The following CNTNAP4 variants were observed in gnomAD, a reference collection of about 807,000 sequenced individuals.
CNTNAP4 encodes the protein contactin associated protein family member 4.
CNTNAP4 carries 98 observed loss-of-function variants against 148.4 expected under a neutral mutation model. The observed-to-expected ratio is 0.66, with a 90% CI of 0.56 to 0.78. CNTNAP4 has a LOEUF of 0.78. Among genes scored for constraint, CNTNAP4 ranks in the 30% least tolerant of loss-of-function variants. The probability of loss-of-function intolerance (pLI) is 0.00; values close to 1 mark genes in which losing one functional copy is unlikely to be tolerated. For missense variants in CNTNAP4, 1,935 were observed against 1,565.6 expected (o/e 1.24, Z -3.98); for synonymous variants, 730 against 565.1 (o/e 1.29, Z -4.14).
At chr16:76,361,075 A>G (rs150161141) in intron 3 of CNTNAP4, among the ~76,000 whole-genome samples, 4,661 of 151,690 alleles carry the variant, frequency 0.031, 233 homozygotes, top group African/African-American at 0.11. Context: ...CGCCTGCCTC[A>G]ACCTCCCAAA....
intron 3 of CNTNAP4, among the ~76,000 whole-genome samples, chr16:76,395,643 T>A (rs540005071): frequency 6.6e-6 from 1 of 152,252 alleles, no homozygotes; most frequent in Non-Finnish European, 1.5e-5. Context: ...TAAAAATCAA[T>A]GTATATAAAC....
intron 16 of CNTNAP4, among the ~76,000 whole-genome samples, chr16:76,521,606 C>G (rs1272303484): frequency 6.6e-6 from 1 of 152,118 alleles, no homozygotes; most frequent in Non-Finnish European, 1.5e-5. Flanking sequence ...ACTTAATCAA[C>G]CACTCATTTT....
At chr16:76,476,192 A>G (rs1000172224) in intron 11 of CNTNAP4, 147 bp downstream of exon 11, 7 of 568,976 alleles carry the variant, frequency 1.2e-5, no homozygotes. Flanking sequence ...AGTCGTCAAG[A>G]TAGCCTATAA....
intron 15 of CNTNAP4, among the ~76,000 whole-genome samples, chr16:76,514,457 A>G (rs920999743): frequency 3.3e-5 from 5 of 152,256 alleles, no homozygotes; most frequent in Non-Finnish European, 5.9e-5. Context: ...AATGAAAAGA[A>G]ATATCTTCTT....
chr16:76,527,331 G>C (rs930440857), intron 17 of CNTNAP4, among the ~76,000 whole-genome samples: 1 of 152,086 alleles, frequency 6.6e-6, no homozygotes, highest in Non-Finnish European at 1.5e-5. Flanking sequence ...TATTCTCAGA[G>C]CTGGTGACTC....
At chr16:76,391,664 G>C (rs1261252371) in intron 3 of CNTNAP4, among the ~76,000 whole-genome samples, 1 of 152,158 alleles carries the variant, frequency 6.6e-6, no homozygotes, top group African/African-American at 2.4e-5. Flanking sequence ...TGAGTGTGGG[G>C]TCCAGGAACA....
chr16:76,337,744 A>C lies in CNTNAP4; in HGVS notation c.197-17574A>C, dbSNP rs571913486. Among the ~76,000 whole-genome samples, 24 of 152,288 alleles carry C rather than the reference A, an allele frequency of 1.6e-4. No homozygotes were observed. The South Asian group carries it at 4.8e-3, about 30-fold the overall frequency. Reference sequence around the variant, plus strand: ...TTCATCCCTTATCTTCAACTGCATAAGACAGACACTCCCAGAGCAGCCGTC... The same window carrying C: ...TTCATCCCTTATCTTCAACTGCATACGACAGACACTCCCAGAGCAGCCGTC... On this transcript the variant is annotated intron_variant, in intron 2 of 23. Coordinates refer to ENST00000611870, the MANE Select transcript of CNTNAP4 (RefSeq NM_033401.5).
rs372530638 is a variant in CNTNAP4 at position 76,363,529 on chromosome 16, CTG to C, written c.390+8020_390+8021del. On this transcript the variant is annotated intron_variant, in intron 3 of 23. Coordinates refer to ENST00000611870, the MANE Select transcript of CNTNAP4 (RefSeq NM_033401.5). ...AAAGACTTAAATGGAAAACCTGAAA[CTG>C]TAAAACTGCTAGAAAAAAACGTACA... 8.1e-4 allele frequency among the ~76,000 whole-genome samples: 123 copies of C among 152,224 alleles called. 1 individual carries two copies. In the East Asian group the frequency reaches 0.019, roughly 24 times the overall value.
chr16:76,516,184 C>CAT (rs944652471), intron 15 of CNTNAP4, among the ~76,000 whole-genome samples: 3 of 138,828 alleles, frequency 2.2e-5, no homozygotes, highest in African/African-American at 8.0e-5. Flanking sequence ...CAAGTGATAA[C>CAT]ATGTGGTGTT....
At chr16:76,473,833 T>A (rs1389547258) in intron 10 of CNTNAP4, among the ~76,000 whole-genome samples, 1 of 45,706 alleles carries the variant, frequency 2.2e-5, no homozygotes. Context: ...CTTGGCAGGT[T>A]TTGTAGGTTT....
rs925982854 is a variant in CNTNAP4, at chr16:76,550,274, T to G, written c.3443-3009T>G. On this transcript the variant is annotated intron_variant, in intron 21 of 23. Transcript: ENST00000611870. Reference sequence around the variant, plus strand: ...ATTTAGTTTTTGTTTCTATGTTTATTGTCTCTCTCCCTTTCCCTGCTAACA... The same window carrying G: ...ATTTAGTTTTTGTTTCTATGTTTATGGTCTCTCTCCCTTTCCCTGCTAACA... Among the ~76,000 whole-genome samples, 5 of 152,222 alleles carry G rather than the reference T, an allele frequency of 3.3e-5. No individual in the cohort carries two copies. The East Asian group carries it at 9.6e-4, about 29-fold the overall frequency.
At chr16:76,428,756 G>A (rs578201755) in intron 4 of CNTNAP4, among the ~76,000 whole-genome samples, 1 of 152,072 alleles carries the variant, frequency 6.6e-6, no homozygotes, top group South Asian at 2.1e-4. Context: ...AGCAATAATA[G>A]CAGTAACACT....
In CNTNAP4 at chr16:76,316,363, G is replaced by T. The variant is rs748456134; in HGVS notation, c.86-50G>T. 6 of 1,217,310 alleles carry T rather than the reference G, an allele frequency of 4.9e-6. No homozygotes were observed. In the African/African-American group the frequency reaches 7.4e-5, roughly 15 times the overall value. The allele number at this position is 1,217,310 out of a possible 1,614,324, so 75.4% of individuals were successfully genotyped here. On this transcript the variant is annotated intron_variant, in intron 1 of 23. Transcript: ENST00000611870. ...TGGTTGTTTTGTCTATTGATTCCAC[G>T]AAAGCCTCAGCACTAACTAACCCTA... is the stretch of plus-strand genomic sequence containing the variant.
At chr16:76,287,745 A>G (rs1327195843) in intron 1 of CNTNAP4, 3 of 152,004 alleles carry the variant, frequency 2.0e-5, no homozygotes, top group Admixed American at 6.6e-5. Flanking sequence ...GCTCCCTGTG[A>G]CCCTGATTCA....
chr16:76,301,732 G>A (rs1031072740), intron 1 of CNTNAP4, among the ~76,000 whole-genome samples: 1 of 152,180 alleles, frequency 6.6e-6, no homozygotes, highest in African/African-American at 2.4e-5. Flanking sequence ...AAGTGAGGAG[G>A]TGGGAGAACA....
chr16:76,390,931 A>C (rs1362033899), intron 3 of CNTNAP4, among the ~76,000 whole-genome samples: 1 of 152,036 alleles, frequency 6.6e-6, no homozygotes, highest in East Asian at 1.9e-4. Flanking sequence ...ATGTTTTGAT[A>C]TGGGCATGCA....
At chr16:76,472,992 C>T (rs140985455) in intron 10 of CNTNAP4, among the ~76,000 whole-genome samples, 20 of 152,166 alleles carry the variant, frequency 1.3e-4, no homozygotes, top group South Asian at 4.2e-4. Context: ...AAGTATACTC[C>T]GTGAGGGGGG....
At position 76,558,657 on chromosome 16, in the gene CNTNAP4, G is replaced by A; in HGVS notation, c.3901G>A (p.Glu1301Lys). 1 of 1,609,418 alleles carries A rather than the reference G, an allele frequency of 6.2e-7. No individual in the cohort carries two copies. The highest frequency in any genetic ancestry group is 8.5e-7 in the Non-Finnish European group (1 of 1,178,200). ...GCTTAATATACAAAATGCAGTCAAT[G>A]AAAATCAGAAAGAGTACTTCTTCTG... The part of the protein sequence containing the change: ...SELNIQNAVN[E>K]NQKEYFF Residue 1301 changes from glutamate (E) to lysine (K), a missense_variant, in exon 24 of 24, where the codon GAA becomes AAA. Coordinates refer to ENST00000611870, the MANE Select transcript of CNTNAP4 (RefSeq NM_033401.5).
At chr16:76,375,193 G>A (rs1479665279) in intron 3 of CNTNAP4, among the ~76,000 whole-genome samples, 3 of 152,124 alleles carry the variant, frequency 2.0e-5, no homozygotes, top group Non-Finnish European at 4.4e-5. Flanking sequence ...AGGTTGAGGC[G>A]GGTGGATAAC....
Sources: gnomAD v4.1 joint callset for allele counts (sites outside exome capture counted in the v4.1 genomes callset) on GRCh38, gnomAD v4.1.1 for gene constraint, MANE v1.5 for transcripts, NCBI Gene and HGNC (gene_info 2026-07-23, HGNC 2026-07-21) for gene names.